Variants in ZBTB20 observed in about 807,000 individuals in gnomAD.
The protein encoded by ZBTB20 is zinc finger and BTB domain containing 20.
ZBTB20 carries 9 observed loss-of-function variants against 56.9 expected under a neutral mutation model. The observed-to-expected ratio is 0.16, with a 90% CI of 0.10 to 0.28. The LOEUF is 0.28. Ranked by LOEUF, ZBTB20 falls within the 10% of genes least tolerant of loss-of-function variation. ZBTB20 has a pLI of 1.00. For missense variants in ZBTB20, 655 were observed against 1,003.0 expected (o/e 0.65, Z 4.69); for synonymous variants, 417 against 420.7 (o/e 0.99, Z 0.11).
chr3:114,935,768 C>T (rs1317861968), intron 3 of ZBTB20, among the ~76,000 whole-genome samples: 4 of 152,118 alleles, frequency 2.6e-5, no homozygotes, highest in Admixed American at 2.6e-4. Context: ...GTTTTAAGCA[C>T]CTCTTACCCC....
At chr3:114,482,659 G>C (rs919962211) in intron 7 of ZBTB20, among the ~76,000 whole-genome samples, 1 of 152,022 alleles carries the variant, frequency 6.6e-6, no homozygotes, top group Non-Finnish European at 1.5e-5. Context: ...CACATACATG[G>C]ATGTATGTGT....
chr3:114,482,692 C>T (rs1319261007), intron 7 of ZBTB20, among the ~76,000 whole-genome samples: 2 of 152,012 alleles, frequency 1.3e-5, no homozygotes, highest in East Asian at 3.9e-4. Flanking sequence ...TAGAAAGTAA[C>T]CAATCTGCTC....
intron 3 of ZBTB20, among the ~76,000 whole-genome samples, chr3:114,928,311 T>C (rs1014086494): frequency 3.3e-5 from 5 of 150,978 alleles, no homozygotes; most frequent in African/African-American, 1.2e-4. Flanking sequence ...AGCCTCAAGG[T>C]TCTTCAATGA....
intron 6 of ZBTB20, among the ~76,000 whole-genome samples, chr3:114,608,961 A>G (rs942448032): frequency 6.6e-6 from 1 of 152,214 alleles, no homozygotes; most frequent in Non-Finnish European, 1.5e-5. Context: ...AGAAACCACC[A>G]TATTTGAGTC....
chr3:114,368,881 G>T (rs1412377597), intron 10 of ZBTB20, among the ~76,000 whole-genome samples: 1 of 152,202 alleles, frequency 6.6e-6, no homozygotes, highest in Non-Finnish European at 1.5e-5. Flanking sequence ...GAAGAAAATG[G>T]AATGGGCTAG....
chr3:114,352,738 T>A (rs1055922925), intron 10 of ZBTB20, among the ~76,000 whole-genome samples: 3 of 152,204 alleles, frequency 2.0e-5, no homozygotes, highest in African/African-American at 7.2e-5. Flanking sequence ...CCCAGGAGAC[T>A]ACAGTACATT....
At chr3:114,663,085 G>GT (rs1560099995) in intron 6 of ZBTB20, among the ~76,000 whole-genome samples, 1 of 150,644 alleles carries the variant, frequency 6.6e-6, no homozygotes, top group African/African-American at 2.5e-5. Flanking sequence ...ACACACAATT[G>GT]TCAGATTCAC....
intron 7 of ZBTB20, among the ~76,000 whole-genome samples, chr3:114,455,095 GGAGA>G (rs1041826728): frequency 4.0e-5 from 6 of 149,368 alleles, no homozygotes; most frequent in Admixed American, 6.7e-5. Context: ...GAGGAGAGAC[GGAGA>G]GAGAGAGTGT....
At chr3:114,649,872 C>G (rs997080734) in intron 6 of ZBTB20, among the ~76,000 whole-genome samples, 1 of 151,784 alleles carries the variant, frequency 6.6e-6, no homozygotes, top group Non-Finnish European at 1.5e-5. Context: ...ATAAGAACAA[C>G]AGCAATAATA....
intron 5 of ZBTB20, among the ~76,000 whole-genome samples, chr3:114,703,894 C>T (rs1048848621): frequency 1.3e-5 from 2 of 152,194 alleles, no homozygotes; most frequent in African/African-American, 4.8e-5. Flanking sequence ...TTGCAAATCA[C>T]AGCCTGTGGA....
chr3:114,962,608 T>G (rs2107983032), intron 3 of ZBTB20, among the ~76,000 whole-genome samples: 1 of 152,246 alleles, frequency 6.6e-6, no homozygotes, highest in Non-Finnish European at 1.5e-5. Context: ...TAGCTGACAT[T>G]TTTATATCCT....
At chr3:114,841,728 T>C (rs2074393362) in intron 4 of ZBTB20, among the ~76,000 whole-genome samples, 2 of 152,064 alleles carry the variant, frequency 1.3e-5, no homozygotes, top group South Asian at 4.1e-4. Flanking sequence ...GTTTAGAACA[T>C]GTTGAGTATG....
chr3:114,461,800 G>A (rs2092342788), intron 7 of ZBTB20, among the ~76,000 whole-genome samples: 1 of 152,198 alleles, frequency 6.6e-6, no homozygotes, highest in African/African-American at 2.4e-5. Context: ...AGAGGTGGAT[G>A]TCTGAGTGTG....
At chr3:114,851,651 AT>A (rs2075006601) in intron 4 of ZBTB20, among the ~76,000 whole-genome samples, 1 of 151,170 alleles carries the variant, frequency 6.6e-6, no homozygotes, top group Non-Finnish European at 1.5e-5. Context: ...TCTCTTTTTT[AT>A]TTTCTAATTC....
At chr3:114,888,771 A>G (rs2076699378) in intron 4 of ZBTB20, among the ~76,000 whole-genome samples, 1 of 152,186 alleles carries the variant, frequency 6.6e-6, no homozygotes, top group African/African-American at 2.4e-5. Context: ...CCTGATATAC[A>G]AAATTAACCA....
intron 2 of ZBTB20, among the ~76,000 whole-genome samples, chr3:115,003,654 C>A (rs1433251796): frequency 6.6e-6 from 1 of 151,456 alleles, no homozygotes; most frequent in Admixed American, 6.6e-5. Flanking sequence ...ACATAGTGAG[C>A]ACGCCCCTAC....
chr3:114,829,438 C>T (rs555060018), intron 4 of ZBTB20, among the ~76,000 whole-genome samples: 3 of 151,942 alleles, frequency 2.0e-5, no homozygotes, highest in Admixed American at 6.6e-5. Flanking sequence ...GAGTTTCCCA[C>T]GTTTATATTA....
At chr3:114,340,576 A>G (rs551071745) in intron 11 of ZBTB20, among the ~76,000 whole-genome samples, 17 of 152,182 alleles carry the variant, frequency 1.1e-4, no homozygotes, top group Non-Finnish European at 2.4e-4. Context: ...CTTAAAGTCC[A>G]TGGGTCCGTG....
chr3:114,355,133 G>C (rs780844969), intron 10 of ZBTB20, among the ~76,000 whole-genome samples: 3 of 152,132 alleles, frequency 2.0e-5, no homozygotes, highest in Admixed American at 6.5e-5. Flanking sequence ...GATGAAGGTT[G>C]CTTTAGAGAT....
Sources: gnomAD v4.1 joint callset for allele counts (sites outside exome capture counted in the v4.1 genomes callset) on GRCh38, gnomAD v4.1.1 for gene constraint, MANE v1.5 for transcripts, NCBI Gene and HGNC (gene_info 2026-07-23, HGNC 2026-07-21) for gene names.